The following STEAP1B variants were observed in gnomAD, a reference collection of about 807,000 sequenced individuals.
STEAP1B encodes STEAP family member 1B, also known as STEAP family protein MGC87042.
In STEAP1B, 13 loss-of-function variants were observed where a neutral mutation model predicts 27.9. The ratio of observed to expected loss-of-function variants is 0.47; its 90% CI spans 0.30 to 0.74. The LOEUF is 0.74. STEAP1B is among the 30% of genes least tolerant of loss of function. STEAP1B has a pLI of 0.06. For synonymous variants in STEAP1B, 86 were observed against 107.1 expected (o/e 0.80, Z 1.22); for missense variants, 250 against 298.7 (o/e 0.84, Z 1.20).
intron 4 of STEAP1B, among the ~76,000 whole-genome samples, chr7:22,433,981 C>G (rs1391661391): frequency 6.6e-6 from 1 of 152,228 alleles, no homozygotes; most frequent in African/African-American, 2.4e-5. Flanking sequence ...ATCCTGACAG[C>G]TGGGAAGGAT....
chr7:22,486,395 G>C (rs1786209492), intron 4 of STEAP1B, among the ~76,000 whole-genome samples: 1 of 152,154 alleles, frequency 6.6e-6, no homozygotes, highest in Non-Finnish European at 1.5e-5. Flanking sequence ...GTTTAAGAGA[G>C]TTATTGCAAA....
At chr7:22,424,493 C>A (rs1446117997) in intron 4 of STEAP1B, among the ~76,000 whole-genome samples, 3 of 152,050 alleles carry the variant, frequency 2.0e-5, no homozygotes, top group South Asian at 4.2e-4. Flanking sequence ...ATTTTAAGAA[C>A]ATTATTTCAT....
chr7:22,430,795 TCAGA>T (rs1475204116), intron 4 of STEAP1B, among the ~76,000 whole-genome samples: 1 of 152,330 alleles, frequency 6.6e-6, no homozygotes, highest in South Asian at 2.1e-4. Flanking sequence ...TCTAAGCCCG[TCAGA>T]CAGACACATT....
At position 22,467,089 on chromosome 7, in the gene STEAP1B, T is replaced by C. The variant is rs547349471; in HGVS notation, c.762+25476A>G. ...GAAATATAATTGAAGGTTGTTCCAA[T>C]TGATTTCCACCTGCCAGCATGCCAG... On this transcript the variant is annotated intron_variant, in intron 4 of 4. Coordinates refer to ENST00000678116, the MANE Select transcript of STEAP1B (RefSeq NM_001382447.1). Among the ~76,000 whole-genome samples, 6 of 152,334 alleles carry C rather than the reference T, an allele frequency of 3.9e-5. No individual in the cohort carries two copies. The South Asian group carries it at 1.0e-3, about 26-fold the overall frequency.
At chr7:22,461,252 A>G (rs1213820874) in intron 4 of STEAP1B, among the ~76,000 whole-genome samples, 1 of 152,060 alleles carries the variant, frequency 6.6e-6, no homozygotes, top group African/African-American at 2.4e-5. Flanking sequence ...CCTTCCAGTC[A>G]CTGAGGGAAC....
At chr7:22,449,507 T>C (rs1341631188) in intron 4 of STEAP1B, among the ~76,000 whole-genome samples, 2 of 152,242 alleles carry the variant, frequency 1.3e-5, no homozygotes, top group African/African-American at 2.4e-5. Context: ...TAGTACTCCA[T>C]TGTATGTAAG....
intron 4 of STEAP1B, among the ~76,000 whole-genome samples, chr7:22,482,040 C>T (rs1786084237): frequency 6.6e-6 from 1 of 152,168 alleles, no homozygotes; most frequent in African/African-American, 2.4e-5. Flanking sequence ...CTGACTGCTC[C>T]CCACAGGGGC....
chr7:22,499,645 GTAGGGC>G (rs1290353262), intron 1 of STEAP1B, among the ~76,000 whole-genome samples: 1 of 152,162 alleles, frequency 6.6e-6, no homozygotes, highest in Non-Finnish European at 1.5e-5. Context: ...TCCTGAAAGA[GTAGGGC>G]CAGTGTTCTA....
At chr7:22,481,824 A>G (rs1047459482) in intron 4 of STEAP1B, among the ~76,000 whole-genome samples, 3 of 152,256 alleles carry the variant, frequency 2.0e-5, no homozygotes, top group African/African-American at 7.2e-5. Context: ...ATGAAACTAA[A>G]TCATTGCTCT....
chr7:22,449,497 T>G (rs1047242019), intron 4 of STEAP1B, among the ~76,000 whole-genome samples: 1 of 152,256 alleles, frequency 6.6e-6, no homozygotes, highest in Non-Finnish European at 1.5e-5. Context: ...TATGGCTGAA[T>G]AGTACTCCAT....
At chr7:22,431,874 C>A (rs186911295) in intron 4 of STEAP1B, among the ~76,000 whole-genome samples, 7 of 152,356 alleles carry the variant, frequency 4.6e-5, no homozygotes, top group Admixed American at 3.9e-4. Context: ...ATTATTCCCT[C>A]CCTTATCCCA....
intron 4 of STEAP1B, among the ~76,000 whole-genome samples, chr7:22,472,498 C>A (rs927208896): frequency 6.6e-6 from 1 of 152,152 alleles, no homozygotes; most frequent in Non-Finnish European, 1.5e-5. Flanking sequence ...TCCATGATGA[C>A]GTAAGAACAG....
chr7:22,488,547 T>C (rs1037426442), intron 4 of STEAP1B, among the ~76,000 whole-genome samples: 1 of 152,068 alleles, frequency 6.6e-6, no homozygotes, highest in South Asian at 2.1e-4. Flanking sequence ...TCTTTCAAAG[T>C]GAAAAAGTCA....
At chr7:22,488,664 G>A (rs1397805979) in intron 4 of STEAP1B, among the ~76,000 whole-genome samples, 2 of 152,166 alleles carry the variant, frequency 1.3e-5, no homozygotes, top group Admixed American at 6.5e-5. Flanking sequence ...GTTTTCACAG[G>A]AGCCACATCA....
At chr7:22,489,736 C>T (rs79038313) in intron 4 of STEAP1B, among the ~76,000 whole-genome samples, 3,081 of 152,258 alleles carry the variant, frequency 0.02, 100 homozygotes, top group African/African-American at 0.07. Context: ...CCTCAAAAGG[C>T]AATGCGGGCT....
chr7:22,465,146 G>C (rs1327170718), intron 4 of STEAP1B, among the ~76,000 whole-genome samples: 1 of 151,498 alleles, frequency 6.6e-6, no homozygotes, highest in East Asian at 1.9e-4. Context: ...ACTAATGGGT[G>C]GGTAGCATTG....
chr7:22,423,543 T>C (rs1437708670), intron 4 of STEAP1B, among the ~76,000 whole-genome samples: 1 of 152,240 alleles, frequency 6.6e-6, no homozygotes, highest in Non-Finnish European at 1.5e-5. Flanking sequence ...TCCATTTATA[T>C]GAAACGTCCA....
intron 4 of STEAP1B, among the ~76,000 whole-genome samples, chr7:22,491,705 G>C (rs186679747): frequency 6.6e-6 from 1 of 152,262 alleles, no homozygotes; most frequent in East Asian, 1.9e-4. Context: ...TTGTTGATTA[G>C]ACCAGAAGAA....
At chr7:22,455,110 G>A (rs1785558587) in intron 4 of STEAP1B, among the ~76,000 whole-genome samples, 1 of 151,998 alleles carries the variant, frequency 6.6e-6, no homozygotes, top group Non-Finnish European at 1.5e-5. Flanking sequence ...TGATCCACCT[G>A]CCTCGGCCTC....
Sources: gnomAD v4.1 joint callset for allele counts (sites outside exome capture counted in the v4.1 genomes callset) on GRCh38, gnomAD v4.1.1 for gene constraint, MANE v1.5 for transcripts, NCBI Gene and HGNC (gene_info 2026-07-23, HGNC 2026-07-21) for gene names.